Variants in TNS1 observed in about 807,000 individuals in gnomAD.
TNS1 encodes the protein tensin-1.
Under a neutral mutation model 168.6 loss-of-function variants are expected in TNS1, and 62 were observed. The observed-to-expected ratio is 0.37, with a 90% CI of 0.30 to 0.45. The LOEUF (loss-of-function observed/expected upper bound fraction) is 0.45, where lower values mean the gene tolerates loss of function less well. Among genes scored for constraint, TNS1 ranks in the 20% least tolerant of loss-of-function variants. The pLI is 1.00. For synonymous variants in TNS1, 934 were observed against 933.2 expected (o/e 1.00, Z -0.02); for missense variants, 2,240 against 2,339.4 (o/e 0.96, Z 0.88).
chr2:217,906,278 C>A, intron 6 of TNS1, 57 bp downstream of exon 6: 2 of 668,880 alleles, frequency 3.0e-6, no homozygotes, highest in Admixed American at 2.2e-5. Context: ...CACCCCACCC[C>A]ATTCCCCCTG....
intron 1 of TNS1, among the ~76,000 whole-genome samples, chr2:217,994,195 A>G (rs1231523771): frequency 1.3e-5 from 2 of 152,086 alleles, no homozygotes; most frequent in Non-Finnish European, 2.9e-5. Context: ...CCATCCCACA[A>G]GAAGGGGCAG....
At chr2:218,028,598 C>G (rs1958868430) in intron 1 of TNS1, among the ~76,000 whole-genome samples, 1 of 152,216 alleles carries the variant, frequency 6.6e-6, no homozygotes, top group South Asian at 2.1e-4. Flanking sequence ...ACACTTTAAA[C>G]AGACAGCAGC....
At chr2:217,836,789 C>T (rs758058427) in intron 19 of TNS1, among the ~76,000 whole-genome samples, 1 of 152,184 alleles carries the variant, frequency 6.6e-6, no homozygotes, top group Non-Finnish European at 1.5e-5. Flanking sequence ...ACCGCTGAAC[C>T]TCTTACCAAC....
chr2:217,942,197 C>T (rs970623622), intron 3 of TNS1, among the ~76,000 whole-genome samples: 1 of 152,160 alleles, frequency 6.6e-6, no homozygotes, highest in African/African-American at 2.4e-5. Flanking sequence ...CGCCTGGAAG[C>T]AGAGGGTCCC....
chr2:217,848,367 T>A lies in TNS1; in HGVS notation c.2150A>T (p.Gln717Leu), dbSNP rs148052560. The A allele has an allele frequency of 2.6e-6, 4 of 1,542,620 alleles. No homozygotes were observed. The African/African-American group carries it at 5.5e-5, about 21-fold the overall frequency. ...YSAQEGLAGY[Q>L]REGPHPAWPQ... ...CCAGGCTGGGTGGGGCCCCTCCCTCTGGTAGCCAGCTAAACCCTCCTGTGC... is the reference window on the plus strand; with the variant it reads ...CCAGGCTGGGTGGGGCCCCTCCCTCAGGTAGCCAGCTAAACCCTCCTGTGC... Residue 717 changes from glutamine to leucine, a missense_variant, in exon 19 of 33, where the codon CAG becomes CTG. This residue lies in a region of TNS1 where 2,131 missense variants were observed against 2,171.2 expected (regional missense o/e 0.98). Coordinates refer to ENST00000682258, the MANE Select transcript of TNS1 (RefSeq NM_001387777.1).
At chr2:217,996,401 C>T (rs761189411) in intron 1 of TNS1, among the ~76,000 whole-genome samples, 34 of 152,140 alleles carry the variant, frequency 2.2e-4, no homozygotes, top group Non-Finnish European at 4.4e-4. Context: ...GTGGGGAAGG[C>T]TCAGATCCCC....
At chr2:217,885,531 C>T (rs1340785955) in intron 15 of TNS1, among the ~76,000 whole-genome samples, 1 of 152,190 alleles carries the variant, frequency 6.6e-6, no homozygotes, top group African/African-American at 2.4e-5. Flanking sequence ...GTGATATTTC[C>T]CTGGAGATGC....
chr2:217,868,476 G>A (rs1462330344), intron 18 of TNS1, among the ~76,000 whole-genome samples: 1 of 152,240 alleles, frequency 6.6e-6, no homozygotes, highest in Non-Finnish European at 1.5e-5. Context: ...TCAAAGTCCA[G>A]CTCAAGAACT....
chr2:217,924,737 G>T lies in TNS1; in HGVS notation c.187-4501C>A, dbSNP rs145181425. Among the ~76,000 whole-genome samples, 387 of 152,316 alleles carry T rather than the reference G, an allele frequency of 2.5e-3. 2 individuals carry two copies. The highest frequency in any genetic ancestry group is 8.7e-3 in the African/African-American group (362 of 41,582). ...CCATTTCACATATGGAGAAACAGAG[G>T]CTCCACAAGGTCATGAAGTTTGCCC... On this transcript the variant is annotated intron_variant, in intron 3 of 32. Coordinates refer to ENST00000682258, the MANE Select transcript of TNS1 (RefSeq NM_001387777.1).
At chr2:217,924,967 G>A (rs890712950) in intron 3 of TNS1, among the ~76,000 whole-genome samples, 5 of 152,058 alleles carry the variant, frequency 3.3e-5, no homozygotes, top group Non-Finnish European at 5.9e-5. Flanking sequence ...ATAAAGCTAG[G>A]GGTACACAAT....
At chr2:217,842,792 C>T (rs913119577) in intron 19 of TNS1, among the ~76,000 whole-genome samples, 5 of 152,174 alleles carry the variant, frequency 3.3e-5, no homozygotes, top group Admixed American at 6.5e-5. Context: ...CTTGATCACT[C>T]TACTCCAGCC....
At chr2:217,888,736 C>T (rs1468823066) in intron 12 of TNS1, among the ~76,000 whole-genome samples, 1 of 152,244 alleles carries the variant, frequency 6.6e-6, no homozygotes, top group Non-Finnish European at 1.5e-5. Context: ...TTGCCTTTCA[C>T]CTTCCGCCAT....
At chr2:218,013,621 T>C (rs982822673), upstream of TNS1, among the ~76,000 whole-genome samples, 5 of 142,146 alleles carry the variant, frequency 3.5e-5, no homozygotes, top group African/African-American at 1.6e-4. Context: ...CTTGTCCCCC[T>C]GCTCATGTGA....
In TNS1 at chr2:217,885,026, G is replaced by A; in HGVS notation, c.1246+9C>T. 1 of 1,614,110 alleles carries A rather than the reference G, an allele frequency of 6.2e-7. No individual in the cohort carries two copies. On this transcript the variant is annotated intron_variant, in intron 16 of 32. Coordinates refer to ENST00000682258, the MANE Select transcript of TNS1 (RefSeq NM_001387777.1). ...GGTGCCCACCCCCAGCTCCACTCAAGGAGCGCACCTTTGAAAGCATCATCA... is the reference window on the plus strand; with the variant it reads ...GGTGCCCACCCCCAGCTCCACTCAAAGAGCGCACCTTTGAAAGCATCATCA...
At chr2:217,993,887 A>G (rs1165153796) in intron 1 of TNS1, among the ~76,000 whole-genome samples, 2 of 152,226 alleles carry the variant, frequency 1.3e-5, no homozygotes, top group African/African-American at 4.8e-5. Flanking sequence ...TCTGGAGGGG[A>G]CAAATGTTCT....
chr2:217,932,063 C>A (rs1956352842), intron 3 of TNS1, among the ~76,000 whole-genome samples: 1 of 152,164 alleles, frequency 6.6e-6, no homozygotes, highest in African/African-American at 2.4e-5. Context: ...CTTTATGTTC[C>A]CTGGACGTCC....
chr2:217,841,285 G>A (rs1219228779), intron 19 of TNS1: 19 of 984,892 alleles, frequency 1.9e-5, no homozygotes, highest in Middle Eastern at 5.2e-4. Flanking sequence ...GGCGTTGTAC[G>A]CTGCCCACCC....
At chr2:217,914,057 C>G (rs1575061065) in intron 4 of TNS1, among the ~76,000 whole-genome samples, 1 of 144,806 alleles carries the variant, frequency 6.9e-6, no homozygotes, top group African/African-American at 2.8e-5. Flanking sequence ...GCCCTGCTAC[C>G]TTCCAAAACG....
rs1958457458 is a variant in TNS1, at chr2:217,995,724, G to C, written c.34-4668C>G. On this transcript the variant is annotated intron_variant, in intron 1 of 32. Coordinates refer to ENST00000682258, the MANE Select transcript of TNS1 (RefSeq NM_001387777.1). This position sits in a 1 kb window ranked among gnomAD's most constrained non-coding sequence, Gnocchi z 4.1. ...ACTTAGGGAAAACTCAGGGGCAAAA[G>C]GAGACACAGCCACAGCTGGGAGCTG... Among the ~76,000 whole-genome samples the C allele has an allele frequency of 6.6e-6, 1 of 152,156 alleles. No individual in the cohort carries two copies. Among genetic ancestry groups the C allele is most frequent in the Non-Finnish European group, 1.5e-5 (1 of 68,018 alleles).
Sources: allele counts gnomAD v4.1 joint callset (sites outside exome capture counted in the v4.1 genomes callset), GRCh38; gene constraint gnomAD v4.1.1; regional missense constraint gnomAD v4.1.1; non-coding constraint Gnocchi (gnomAD v3.1); transcripts MANE v1.5; gene names NCBI Gene and HGNC (gene_info 2026-07-23, HGNC 2026-07-21).